PTPN3: variants seen among roughly 807,000 people sequenced by gnomAD.
PTPN3 encodes the protein protein tyrosine phosphatase non-receptor type 3.
PTPN3 carries 96 observed loss-of-function variants against 132.7 expected under a neutral mutation model. The ratio of observed to expected loss-of-function variants is 0.72; its 90% CI spans 0.61 to 0.86. PTPN3 has a LOEUF of 0.86. PTPN3 is among the 40% of genes least tolerant of loss of function. The probability of loss-of-function intolerance (pLI) is 0.00; values close to 1 mark genes in which losing one functional copy is unlikely to be tolerated. For synonymous variants in PTPN3, 398 were observed against 429.0 expected, an observed-to-expected ratio of 0.93 and a Z score of 0.89; for missense variants, 1,125 against 1,159.6, an observed-to-expected ratio of 0.97 and a Z score of 0.43.
chr9:109,382,749 CTG>C (rs1346299301), intron 23 of PTPN3, among the ~76,000 whole-genome samples: 1 of 142,394 alleles, frequency 7.0e-6, no homozygotes, highest in East Asian at 2.0e-4. Context: ...CACATGCTGA[CTG>C]TTTTTTTTTT....
rs1377632774 is a variant in PTPN3 at position 109,438,241 on chromosome 9, A to T, written c.467-7T>A. The T allele has an allele frequency of 2.5e-6, 4 of 1,606,602 alleles. No homozygotes were observed. The highest frequency in any genetic ancestry group is 3.4e-6 in the Non-Finnish European group (4 of 1,177,668). On this transcript the variant is annotated splice_region_variant and splice_polypyrimidine_tract_variant and intron_variant, in intron 7 of 25. Coordinates refer to ENST00000374541, the MANE Select transcript of PTPN3 (RefSeq NM_002829.4). ...TTATAGTCTCCAAAATGAGCTATCA[A>T]GACAGAAGAAGGGGAAAATCATAAT...
intron 8 of PTPN3, among the ~76,000 whole-genome samples, chr9:109,437,540 A>T (rs575872576): frequency 6.6e-6 from 1 of 152,186 alleles, no homozygotes; most frequent in Non-Finnish European, 1.5e-5. Context: ...CCTGGACTGC[A>T]CAGCTGCTGC....
chr9:109,403,964 G>A lies in PTPN3; in HGVS notation c.1953+484C>T, dbSNP rs568219785. Among the ~76,000 whole-genome samples the A allele has an allele frequency of 2.6e-5, 4 of 152,320 alleles. No individual in the cohort carries two copies. The South Asian group carries it at 8.3e-4, about 32-fold the overall frequency. ...GGAGGGCGAGACACTATGCCCTCAT[G>A]GGATAACACTAATTGCTCCAAATTC... On this transcript the variant is annotated intron_variant, in intron 19 of 25. Transcript: ENST00000374541.
intron 1 of PTPN3, among the ~76,000 whole-genome samples, chr9:109,493,525 C>G (rs529057892): frequency 1.3e-5 from 2 of 152,344 alleles, no homozygotes; most frequent in South Asian, 4.1e-4. Context: ...TTTTCCAGGA[C>G]TATTCCAATT....
intron 1 of PTPN3, among the ~76,000 whole-genome samples, chr9:109,474,261 G>A (rs990328333): frequency 6.6e-6 from 1 of 152,284 alleles, no homozygotes; most frequent in South Asian, 2.1e-4. Flanking sequence ...CTGTCCCCAC[G>A]ACAGCCTCCA....
chr9:109,532,782 CT>C, the PTPN3 span: 2 of 517,842 alleles, frequency 3.9e-6, no homozygotes, highest in Non-Finnish European at 5.7e-6. Flanking sequence ...CATATTTCTT[CT>C]TGTTGGATGA....
chr9:109,437,151 A>G (rs1844114185), intron 8 of PTPN3, among the ~76,000 whole-genome samples, 181 bp from the exon 9 acceptor site: 1 of 107,680 alleles, frequency 9.3e-6, no homozygotes, highest in South Asian at 3.8e-4. Context: ...TATCCATTGA[A>G]TGTGACTCCC....
chr9:109,503,677 C>T, the PTPN3 span, among the ~76,000 whole-genome samples: 3 of 151,500 alleles, frequency 2.0e-5, no homozygotes, highest in Non-Finnish European at 4.4e-5. Flanking sequence ...CCACTAACTG[C>T]GCTCCAGCCT....
chr9:109,532,831 T>C, the PTPN3 span: 2 of 973,812 alleles, frequency 2.1e-6, no homozygotes, highest in Non-Finnish European at 2.7e-6. Flanking sequence ...AGTCGGAATT[T>C]ACTCAGCCCC....
chr9:109,483,655 C>T (rs1251966229), intron 1 of PTPN3, among the ~76,000 whole-genome samples: 3 of 152,266 alleles, frequency 2.0e-5, no homozygotes, highest in Middle Eastern at 3.4e-3. Context: ...AATCAAATCA[C>T]TCCATACGTC....
chr9:109,430,391 C>T (rs1401772320), intron 10 of PTPN3, among the ~76,000 whole-genome samples: 1 of 152,154 alleles, frequency 6.6e-6, no homozygotes, highest in South Asian at 2.1e-4. Flanking sequence ...AGGGCTCCAG[C>T]TCAGCATCGC....
chr9:109,484,195 T>A (rs1847098617), intron 1 of PTPN3, among the ~76,000 whole-genome samples: 2 of 152,164 alleles, frequency 1.3e-5, no homozygotes, highest in African/African-American at 4.8e-5. Context: ...CACCTCAAGC[T>A]GTGGACACAT....
At position 109,465,582 on chromosome 9, in the gene PTPN3, G is replaced by A. The variant is rs946395925; in HGVS notation, c.-17-2131C>T. 3.9e-5 allele frequency among the ~76,000 whole-genome samples: 6 copies of A among 151,988 alleles called. 1 individual carries two copies. In the South Asian group the frequency reaches 1.0e-3, roughly 26 times the overall value. On this transcript the variant is annotated intron_variant, in intron 1 of 25. Coordinates refer to ENST00000374541, the MANE Select transcript of PTPN3 (RefSeq NM_002829.4). The stretch of plus-strand genomic sequence containing the variant: ...AAATTAGCTGGGCACGGTGGCATGC[G>A]CCAGTAATCCCAGCTACTCCAGAGG...
intron 16 of PTPN3, among the ~76,000 whole-genome samples, chr9:109,408,764 CTAGAACTTA>C (rs1841780879): frequency 1.6e-5 from 2 of 126,842 alleles, no homozygotes; most frequent in Admixed American, 8.9e-5. Flanking sequence ...CACATGTACC[CTAGAACTTA>C]TAATAATTAA....
chr9:109,450,108 A>G (rs1324579566), intron 5 of PTPN3: 16 of 984,392 alleles, frequency 1.6e-5, no homozygotes, highest in Non-Finnish European at 1.9e-5. Context: ...CAAATTTCTT[A>G]TATGTTTAAT....
At chr9:109,433,356 GT>G (rs1245873361) in intron 9 of PTPN3, among the ~76,000 whole-genome samples, 195 bp from the exon 10 acceptor site, 1 of 152,214 alleles carries the variant, frequency 6.6e-6, no homozygotes, top group African/African-American at 2.4e-5. Flanking sequence ...TTCTTCTAAA[GT>G]GAACACAGCC....
chr9:109,461,586 T>C (rs1245804233), intron 2 of PTPN3, among the ~76,000 whole-genome samples: 5 of 152,024 alleles, frequency 3.3e-5, no homozygotes, highest in African/African-American at 9.7e-5. Context: ...TGAGACCTCG[T>C]TTCTACAAAA....
At position 109,463,315 on chromosome 9, in the gene PTPN3, T is replaced by C. The variant is rs1407641503; in HGVS notation, c.120A>G (p.Val40=). The C allele has an allele frequency of 6.2e-7, 1 of 1,613,186 alleles. No homozygotes were observed. Among genetic ancestry groups the C allele is most frequent in the African/African-American group, 1.3e-5 (1 of 74,870 alleles). The change falls in exon 2 of 26, where the codon GTA becomes GTG. Residue 40 remains valine, a synonymous_variant. Coordinates refer to ENST00000374541, the MANE Select transcript of PTPN3 (RefSeq NM_002829.4). ...AACTTACAGTAACTTTAAAGGTCTG[T>C]ACCACGCCATCTAAAAAGTGGATGC... ...ICSIHFLDGV[V]QTFKVTKQDT... is the part of the protein sequence containing the mutation.
chr9:109,456,414 C>T (rs576063617), intron 4 of PTPN3, among the ~76,000 whole-genome samples: 1 of 152,246 alleles, frequency 6.6e-6, no homozygotes, highest in African/African-American at 2.4e-5. Context: ...GAGGGAGCCA[C>T]CCACAGTTTC....
Sources: allele counts gnomAD v4.1 joint callset (sites outside exome capture counted in the v4.1 genomes callset), GRCh38; gene constraint gnomAD v4.1.1; transcripts MANE v1.5; gene names NCBI Gene and HGNC (gene_info 2026-07-23, HGNC 2026-07-21).